MAOA: variants seen among roughly 807,000 people sequenced by gnomAD.
MAOA encodes monoamine oxidase A, also known as amine oxidase [flavin-containing] A.
MAOA carries 6 observed loss-of-function variants against 42.0 expected under a neutral mutation model. The ratio of observed to expected loss-of-function variants is 0.14; its 90% confidence interval spans 0.08 to 0.28. MAOA has a LOEUF of 0.28. MAOA is among the 10% of genes least tolerant of loss of function. MAOA has a pLI of 1.00. For synonymous variants in MAOA, 140 were observed against 154.0 expected (o/e 0.91, Z 0.67); for missense variants, 262 against 422.3 (o/e 0.62, Z 3.33).
intron 5 of MAOA, among the ~76,000 whole-genome samples, chrX:43,720,176 C>T (rs1385311730): frequency 9.1e-6 from 1 of 109,849 alleles, no homozygotes; most frequent in Non-Finnish European, 1.9e-5. Flanking sequence ...ATGAACCACA[C>T]AGGTGGTGAC....
intron 1 of MAOA, among the ~76,000 whole-genome samples, chrX:43,675,613 G>A (rs909916845): frequency 8.9e-6 from 1 of 112,036 alleles, no homozygotes; most frequent in Non-Finnish European, 1.9e-5. Flanking sequence ...GTACATATGG[G>A]TTTTTGGTGT....
At position 43,731,229 on chromosome X, in the gene MAOA, C is replaced by T; in HGVS notation, c.646-12C>T. Reference sequence around the variant, plus strand: ...TCATAATGTTTCCTTTCTTACCTACCTCCTCCTGTAGGAACGGAAGTTTGT... The same window carrying T: ...TCATAATGTTTCCTTTCTTACCTACTTCCTCCTGTAGGAACGGAAGTTTGT... On this transcript the variant is annotated splice_polypyrimidine_tract_variant and intron_variant, in intron 6 of 14. Coordinates refer to ENST00000338702, the MANE Select transcript of MAOA (RefSeq NM_000240.4). 8.3e-7 allele frequency: 1 copy of T among 1,207,310 alleles called. No homozygotes were observed. Among genetic ancestry groups the T allele is most frequent in the Non-Finnish European group, 1.1e-6 (1 of 891,672 alleles).
rs112733631 is a variant in MAOA, at chrX:43,666,428, A to G, written c.73+10014A>G. On this transcript the variant is annotated intron_variant, in intron 1 of 14. Transcript: ENST00000338702. ...TACACCACATCCATTCCAGCAGCAA[A>G]TCCTATTGGCTGTAGCCTCAAAATA... Among the ~76,000 whole-genome samples, 1,062 of 110,862 alleles carry G rather than the reference A, an allele frequency of 9.6e-3. 18 individuals are homozygous for G. The highest frequency in any genetic ancestry group is 0.034 in the African/African-American group (1,030 of 30,445).
chrX:43,709,799 A>G (rs2033686331), intron 3 of MAOA, among the ~76,000 whole-genome samples: 1 of 111,189 alleles, frequency 9.0e-6, no homozygotes, highest in Non-Finnish European at 1.9e-5. Flanking sequence ...ATGTATTAGC[A>G]TTTTCCAAAG....
At chrX:43,674,504 T>G (rs868256893) in intron 1 of MAOA, among the ~76,000 whole-genome samples, 10 of 110,304 alleles carry the variant, frequency 9.1e-5, no homozygotes, top group Middle Eastern at 4.7e-3. Context: ...GTTAGCTGGT[T>G]ATTTTGCTCG....
chrX:43,744,378 G>A lies in MAOA; in HGVS notation c.1449G>A (p.Ala483=), dbSNP rs377306596. The A allele has an allele frequency of 7.9e-5, 96 of 1,208,691 alleles. No homozygotes were observed. The highest frequency in any genetic ancestry group is 1.3e-4 in the Admixed American group (6 of 45,621). ...GTTCCTTCATCTAGGACGTTCCAGC[G>A]GTAGAAATCACCCACACCTTCTGGG... ...VQEPESKDVP[A]VEITHTFWER... The change falls in exon 15 of 15, where the codon GCG becomes GCA. Residue 483 remains alanine (A), a synonymous_variant. Coordinates refer to ENST00000338702, the MANE Select transcript of MAOA (RefSeq NM_000240.4).
chrX:43,687,349 G>A (rs977623980), intron 2 of MAOA, among the ~76,000 whole-genome samples: 2 of 112,067 alleles, frequency 1.8e-5, no homozygotes, highest in Admixed American at 9.5e-5. Context: ...GATAGTGTCA[G>A]CATTCTAAAG....
intron 5 of MAOA, among the ~76,000 whole-genome samples, chrX:43,713,379 G>T (rs2033713910): frequency 9.0e-6 from 1 of 111,389 alleles, no homozygotes; most frequent in Non-Finnish European, 1.9e-5. Context: ...TAATGCATGT[G>T]GGTCTTAATA....
intron 5 of MAOA, among the ~76,000 whole-genome samples, chrX:43,714,722 T>C (rs894932111): frequency 9.7e-6 from 1 of 102,880 alleles, no homozygotes; most frequent in South Asian, 4.7e-4. Context: ...GGGTATGGTA[T>C]CTTCTAGGAA....
At chrX:43,664,609 G>A (rs1369775955) in intron 1 of MAOA, among the ~76,000 whole-genome samples, 1 of 111,926 alleles carries the variant, frequency 8.9e-6, no homozygotes. Flanking sequence ...GACCTTTAAG[G>A]TGACCGTTTC....
chrX:43,688,575 C>G (rs767734790), intron 2 of MAOA, among the ~76,000 whole-genome samples: 1 of 112,283 alleles, frequency 8.9e-6, no homozygotes, highest in Non-Finnish European at 1.9e-5. Context: ...AATATTGTTT[C>G]ATGGTAACAA....
intron 5 of MAOA, among the ~76,000 whole-genome samples, chrX:43,720,036 G>C (rs1007371256): frequency 2.7e-5 from 3 of 110,585 alleles, no homozygotes; most frequent in African/African-American, 9.9e-5. Flanking sequence ...TCAGGAACGT[G>C]ACACAGGCAC....
At chrX:43,670,864 C>G (rs2033325918) in intron 1 of MAOA, among the ~76,000 whole-genome samples, 1 of 108,531 alleles carries the variant, frequency 9.2e-6, no homozygotes, top group Admixed American at 9.8e-5. Context: ...AGGTTGGTTC[C>G]AAGTCTTTGC....
At chrX:43,692,839 G>A (rs896737012) in intron 2 of MAOA, among the ~76,000 whole-genome samples, 1 of 111,536 alleles carries the variant, frequency 9.0e-6, no homozygotes, top group East Asian at 2.8e-4. Flanking sequence ...TTCCTATGAC[G>A]CATTCTTTCC....
intron 3 of MAOA, 55 bp from the exon 4 acceptor site, chrX:43,711,817 T>C: frequency 1.0e-6 from 1 of 964,637 alleles, no homozygotes; most frequent in Non-Finnish European, 1.5e-6. Flanking sequence ...TAGAACACCA[T>C]TCAAATTTAA....
intron 9 of MAOA, among the ~76,000 whole-genome samples, chrX:43,734,844 A>G (rs1331614144): frequency 8.9e-6 from 1 of 112,265 alleles, no homozygotes; most frequent in Non-Finnish European, 1.9e-5. Context: ...AGGGAACTGT[A>G]AAAAGTATAC....
intron 1 of MAOA, among the ~76,000 whole-genome samples, chrX:43,669,793 T>A (rs1207959138): frequency 8.9e-6 from 1 of 112,018 alleles, no homozygotes; most frequent in Non-Finnish European, 1.9e-5. Flanking sequence ...CACCTTTTTT[T>A]TACCTTTATT....
chrX:43,662,877 G>A (rs372909763), intron 1 of MAOA, among the ~76,000 whole-genome samples: 2 of 110,732 alleles, frequency 1.8e-5, no homozygotes, highest in East Asian at 2.8e-4. Context: ...AATGTTGTGA[G>A]CATTTGAGAC....
intron 5 of MAOA, among the ~76,000 whole-genome samples, chrX:43,714,563 G>A (rs932740944): frequency 1.8e-4 from 19 of 108,458 alleles, no homozygotes; most frequent in Non-Finnish European, 2.9e-4. Flanking sequence ...GAGACAGGAG[G>A]TGTAGATGGT....
Sources: gnomAD v4.1 joint callset for allele counts (sites outside exome capture counted in the v4.1 genomes callset) on GRCh38, gnomAD v4.1.1 for gene constraint, MANE v1.5 for transcripts, NCBI Gene and HGNC (gene_info 2026-07-23, HGNC 2026-07-21) for gene names.